The following SART3 variants were observed in gnomAD, a reference collection of about 807,000 sequenced individuals.
SART3 encodes the protein spliceosome associated factor 3, U4/U6 recycling protein.
Under a neutral mutation model 122.3 loss-of-function variants are expected in SART3, and 44 were observed. That is an observed-to-expected ratio of 0.36 (90% CI 0.28 to 0.46). The LOEUF (loss-of-function observed/expected upper bound fraction) is 0.46, where lower values mean the gene tolerates loss of function less well. Ranked by LOEUF, SART3 falls within the 20% of genes least tolerant of loss-of-function variation. The pLI is 1.00. For missense variants in SART3, 1,101 were observed against 1,229.0 expected (o/e 0.90, Z 1.56); for synonymous variants, 442 against 454.0 (o/e 0.97, Z 0.34).
intron 16 of SART3, 113 bp downstream of exon 16, chr12:108,525,986 T>G (rs915697367): frequency 1.1e-6 from 1 of 926,826 alleles, no homozygotes; most frequent in South Asian, 1.5e-5. Context: ...GAAGTTTAGA[T>G]CCAAACAGAG....
chr12:108,554,131 C>CCCCCGCCCCTGA (rs11276302), intron 1 of SART3: 2 of 143,456 alleles, frequency 1.4e-5, no homozygotes, highest in East Asian at 2.1e-4. Context: ...TCAGAGGGCG[C>CCCCCGCCCCTGA]CCCCGGCCCC....
At chr12:108,539,474 T>C (rs1332759128) in intron 6 of SART3, among the ~76,000 whole-genome samples, 1 of 152,220 alleles carries the variant, frequency 6.6e-6, no homozygotes, top group Non-Finnish European at 1.5e-5. Context: ...ACAACCAAAC[T>C]GGAAAATTTT....
chr12:108,545,967 C>CAAAAAA (rs367848748), intron 3 of SART3, among the ~76,000 whole-genome samples: 36 of 108,882 alleles, frequency 3.3e-4, no homozygotes, highest in Admixed American at 9.5e-4. Flanking sequence ...GACTCTCTCT[C>CAAAAAA]AAAAAAAAAA....
intron 1 of SART3, among the ~76,000 whole-genome samples, chr12:108,558,486 A>C (rs2030325997): frequency 6.6e-6 from 1 of 152,190 alleles, no homozygotes; most frequent in South Asian, 2.1e-4. Flanking sequence ...GCAACTGCAG[A>C]GTACTAGTGG....
chr12:108,530,003 AG>A, intron 15 of SART3, 138 bp downstream of exon 15: 1 of 1,019,732 alleles, frequency 9.8e-7, no homozygotes, highest in South Asian at 1.3e-5. Context: ...CTTGTTTGCA[AG>A]ACATACACCC....
At chr12:108,525,417 C>T (rs761283918) in intron 17 of SART3, 40 bp downstream of exon 17, 25 of 1,612,490 alleles carry the variant, frequency 1.6e-5, no homozygotes, top group Non-Finnish European at 2.1e-5. Flanking sequence ...GAAGTTTGCC[C>T]AAGCCTTGAA....
In SART3 at chr12:108,531,229, G is replaced by A. The variant is rs780300810; in HGVS notation, c.1721C>T (p.Ala574Val). 10 of 1,613,890 alleles carry A rather than the reference G, an allele frequency of 6.2e-6. No homozygotes were observed. The highest frequency in any genetic ancestry group is 8.5e-6 in the Non-Finnish European group (10 of 1,179,948). ...CTTCATTCTCTGCTCATTGACACGAGCTAATCGGGTTTCAGTTTTCTGAAC... is the reference window on the plus strand; with the variant it reads ...CTTCATTCTCTGCTCATTGACACGAACTAATCGGGTTTCAGTTTTCTGAAC... Reference protein sequence around the residue: ...IAVQKTETRLARVNEQRMKAA... With the variant: ...IAVQKTETRLVRVNEQRMKAA... Residue 574 changes from alanine to valine, a missense_variant, in exon 14 of 19, where the codon GCT becomes GTT. Physicochemically the swap from Ala to Val is moderately conservative, Grantham distance 64 (BLOSUM62 0). Coordinates refer to ENST00000546815, the MANE Select transcript of SART3 (RefSeq NM_014706.4).
chr12:108,530,671 A>C (rs1158640853), intron 14 of SART3, among the ~76,000 whole-genome samples: 1 of 152,178 alleles, frequency 6.6e-6, no homozygotes. Flanking sequence ...CCTAGCTAAC[A>C]TGGTGAAACC....
At position 108,523,187 on chromosome 12, in the gene SART3, C is replaced by T. The variant is rs1872205470; in HGVS notation, c.*270G>A. ...GTGTTCTCGTTTCGCTTCTGTGCCT[C>T]AGTCTTTAAGATACAAAACTATCTC... On this transcript the variant is annotated 3_prime_UTR_variant, in exon 19 of 19. Transcript: ENST00000546815. 1.8e-6 allele frequency: 1 copy of T among 557,456 alleles called. No individual in the cohort carries two copies. The highest frequency in any genetic ancestry group is 3.1e-5 in the Admixed American group (1 of 32,098). The allele number at this position is 557,456 out of a possible 1,614,324, so 34.5% of individuals were successfully genotyped here.
intron 1 of SART3, among the ~76,000 whole-genome samples, chr12:108,552,949 AC>A (rs2030070016): frequency 6.6e-6 from 1 of 152,212 alleles, no homozygotes; most frequent in African/African-American, 2.4e-5. Context: ...AACCTACAAT[AC>A]AGCTACAATC....
intron 15 of SART3, among the ~76,000 whole-genome samples, chr12:108,527,087 G>A (rs1050879458): frequency 2.0e-5 from 3 of 152,178 alleles, no homozygotes; most frequent in African/African-American, 7.2e-5. Flanking sequence ...TGCCTCCAGA[G>A]GGCCAGTACT....
In SART3 at chr12:108,553,383, G is replaced by A. The variant is rs988926583; in HGVS notation, c.313-4169C>T. ...GAGGGAAACTGGGTAAAAAGTACACGAAAAATCTCTATTATTTCTTACAAG... is the reference window on the plus strand; with the variant it reads ...GAGGGAAACTGGGTAAAAAGTACACAAAAAATCTCTATTATTTCTTACAAG... On this transcript the variant is annotated intron_variant, in intron 1 of 18. Transcript: ENST00000546815. 5.3e-5 allele frequency among the ~76,000 whole-genome samples: 8 copies of A among 152,092 alleles called. No individual in the cohort carries two copies. The South Asian group carries it at 1.0e-3, about 20-fold the overall frequency.
chr12:108,551,414 A>C (rs2030004781), intron 1 of SART3, among the ~76,000 whole-genome samples: 1 of 152,244 alleles, frequency 6.6e-6, no homozygotes, highest in Non-Finnish European at 1.5e-5. Flanking sequence ...CTCCCTTTTC[A>C]GCAACTGATA....
chr12:108,525,314 G>T (rs1454956193), intron 17 of SART3, 143 bp downstream of exon 17: 22 of 811,860 alleles, frequency 2.7e-5, no homozygotes, highest in Admixed American at 6.1e-5. Context: ...AGAGCTAAGT[G>T]CAGATCTTTC....
At chr12:108,551,437 AC>A (rs2030006365) in intron 1 of SART3, among the ~76,000 whole-genome samples, 1 of 152,196 alleles carries the variant, frequency 6.6e-6, no homozygotes, top group Admixed American at 6.5e-5. Flanking sequence ...ACTACTAGAC[AC>A]TTGAATATGT....
intron 6 of SART3, among the ~76,000 whole-genome samples, chr12:108,541,332 G>A (rs1027253524): frequency 6.6e-6 from 1 of 151,970 alleles, no homozygotes; most frequent in Non-Finnish European, 1.5e-5. Context: ...GCTTGAACCT[G>A]GCGGGGCGGA....
intron 17 of SART3, among the ~76,000 whole-genome samples, chr12:108,525,132 G>A (rs1872312207): frequency 6.6e-6 from 1 of 152,202 alleles, no homozygotes; most frequent in African/African-American, 2.4e-5. Flanking sequence ...GAGGGAGAAG[G>A]CTGCAGGAGG....
chr12:108,530,449 C>T (rs567321782), intron 14 of SART3, 139 bp from the exon 15 acceptor site: 31 of 925,410 alleles, frequency 3.3e-5, no homozygotes, highest in East Asian at 2.6e-4. Context: ...GACAGGCTCA[C>T]GGCTGTTCCA....
rs1200559754 is a variant in SART3 at position 108,526,134 on chromosome 12, G to A, written c.2335C>T (p.Pro779Ser). ...GGGTTTTTGCTCTTATCCACACAGG[G>A]GGAAACAAACATTGGCCTCCCTTCT... The part of the protein sequence containing the change: ...SVEGRPMFVS[P>S]CVDKSKNPDF... The change falls in exon 16 of 19, where the codon CCC (proline) becomes TCC (serine). Residue 779 changes from proline to serine, a missense_variant. This residue lies in a region of SART3 where 885 missense variants were observed against 1,080.1 expected (regional missense o/e 0.82). Transcript: ENST00000546815. 1.2e-6 allele frequency: 2 copies of A among 1,614,198 alleles called. No individual in the cohort carries two copies. Among genetic ancestry groups the A allele is most frequent in the South Asian group, 1.1e-5 (1 of 91,086 alleles).
Sources: gnomAD v4.1 joint callset for allele counts (sites outside exome capture counted in the v4.1 genomes callset) on GRCh38, gnomAD v4.1.1 for gene constraint, gnomAD v4.1.1 regional missense constraint, MANE v1.5 for transcripts, NCBI Gene and HGNC (gene_info 2026-07-23, HGNC 2026-07-21) for gene names.